EPAS1: variants seen among roughly 807,000 people sequenced by gnomAD.
The protein encoded by EPAS1 is endothelial PAS domain protein 1, also known as endothelial PAS domain-containing protein 1.
Under a neutral mutation model 87.9 loss-of-function variants are expected in EPAS1, and 23 were observed. The observed-to-expected ratio is 0.26, with a 90% confidence interval of 0.19 to 0.37. EPAS1 has a LOEUF of 0.37. EPAS1 is among the 10% of genes least tolerant of loss of function. EPAS1 has a pLI of 1.00. For synonymous variants in EPAS1, 508 were observed against 444.3 expected (o/e 1.14, Z -1.80); for missense variants, 1,138 against 1,120.7 (o/e 1.02, Z -0.22).
rs1684372135 is a variant in EPAS1, at chr2:46,360,926, C to T, written c.615C>T (p.Cys205=). The change falls in exon 6 of 16, where the codon TGC becomes TGT. Residue 205 remains cysteine (C), a synonymous_variant. Coordinates refer to ENST00000263734, the MANE Select transcript of EPAS1 (RefSeq NM_001430.5). This position sits in a 1 kb window ranked among gnomAD's most constrained non-coding sequence, Gnocchi z 4.5. The stretch of plus-strand genomic sequence containing the variant: ...GCCAGGTGAAAGTCTACAACAACTG[C>T]CCTCCTCACAATAGTCTGTGTGGCT... ...CTGQVKVYNN[C]PPHNSLCGYK... 5.0e-6 allele frequency: 8 copies of T among 1,614,196 alleles called. No individual in the cohort carries two copies. The highest frequency in any genetic ancestry group is 6.8e-6 in the Non-Finnish European group (8 of 1,180,036).
At chr2:46,349,261 G>T (rs188422086) in intron 2 of EPAS1, among the ~76,000 whole-genome samples, 12 of 152,150 alleles carry the variant, frequency 7.9e-5, no homozygotes, top group Admixed American at 5.2e-4. Context: ...GCAGGGCTTC[G>T]TTTTGCATGC....
chr2:46,379,946 C>T (rs1334523017), intron 11 of EPAS1: 4 of 518,908 alleles, frequency 7.7e-6, no homozygotes, highest in African/African-American at 1.9e-5. Flanking sequence ...AGAGAGAAGG[C>T]GGGCTCCGGA....
In EPAS1 at chr2:46,375,590, T is replaced by G; in HGVS notation, c.887-100T>G. The stretch of plus-strand genomic sequence containing the variant: ...TGTCGTGGCGCCCTGTTCTGTCTGT[T>G]CCCCTGCAGATTAGACTGCCCTCCC... On this transcript the variant is annotated intron_variant, in intron 7 of 15. Transcript: ENST00000263734. The surrounding 1 kb of genome is among the most constrained non-coding windows in gnomAD (Gnocchi z 4.1). 6.9e-7 allele frequency: 1 copy of G among 1,452,822 alleles called. No individual in the cohort carries two copies. Among genetic ancestry groups the G allele is most frequent in the Non-Finnish European group, 9.4e-7 (1 of 1,058,366 alleles). 90.0% of individuals were successfully genotyped at this position (1,452,822 alleles called of 1,614,324 possible). A position where few individuals can be genotyped will look rare whatever the true frequency, so the allele number is the denominator to read the frequency against.
chr2:46,342,466 G>T (rs915105649), intron 1 of EPAS1, among the ~76,000 whole-genome samples: 1 of 152,160 alleles, frequency 6.6e-6, no homozygotes, highest in South Asian at 2.1e-4. Flanking sequence ...CTCTTTACCT[G>T]CTGAAATCCA....
intron 6 of EPAS1, among the ~76,000 whole-genome samples, chr2:46,368,765 T>C (rs945014029): frequency 4.6e-5 from 7 of 152,240 alleles, no homozygotes; most frequent in African/African-American, 1.4e-4. Flanking sequence ...GCATCACTTC[T>C]AACTTGTGAT....
intron 1 of EPAS1, among the ~76,000 whole-genome samples, chr2:46,311,547 A>T (rs1364073519): frequency 6.6e-6 from 1 of 152,164 alleles, no homozygotes; most frequent in Non-Finnish European, 1.5e-5. Context: ...TCTAGCATCT[A>T]CCTTCTCACA....
chr2:46,334,429 C>T (rs1218427880), intron 1 of EPAS1, among the ~76,000 whole-genome samples: 1 of 152,196 alleles, frequency 6.6e-6, no homozygotes. Context: ...CACCTCTGCC[C>T]ATTCCCAGTG....
chr2:46,310,013 T>C (rs2104841072), intron 1 of EPAS1, among the ~76,000 whole-genome samples: 1 of 152,352 alleles, frequency 6.6e-6, no homozygotes, highest in South Asian at 2.1e-4. Context: ...CCTCCCCTGC[T>C]AGCCCTTAGT....
intron 8 of EPAS1, among the ~76,000 whole-genome samples, chr2:46,376,146 G>A (rs1230243643): frequency 6.7e-6 from 1 of 150,176 alleles, no homozygotes. Flanking sequence ...GGGGAAAAAG[G>A]AAAGAGAATC....
chr2:46,321,988 C>CT (rs1249954224), intron 1 of EPAS1, among the ~76,000 whole-genome samples: 1 of 152,166 alleles, frequency 6.6e-6, no homozygotes, highest in Non-Finnish European at 1.5e-5. Flanking sequence ...GGCAAGCTTG[C>CT]TGTGGGCTGG....
At chr2:46,308,035 C>T (rs1683141190) in intron 1 of EPAS1, among the ~76,000 whole-genome samples, 1 of 152,154 alleles carries the variant, frequency 6.6e-6, no homozygotes, top group Non-Finnish European at 1.5e-5. Context: ...AGGGACCCCA[C>T]CTCACCTCTA....
In EPAS1 at chr2:46,356,241, C is replaced by A; in HGVS notation, c.308C>A (p.Thr103Asn). 1.2e-6 allele frequency: 2 copies of A among 1,613,442 alleles called. No homozygotes were observed. Among genetic ancestry groups the A allele is most frequent in the Non-Finnish European group, 1.7e-6 (2 of 1,179,806 alleles). ...KALEGFIAVVTQDGDMIFLSE... is the reference protein window; with the variant it reads ...KALEGFIAVVNQDGDMIFLSE... ...TTGGAGGGTTTCATTGCCGTGGTGA[C>A]CCAAGATGGCGACATGATCTTTCTG... Residue 103 changes from threonine (T) to asparagine (N), a missense_variant, in exon 3 of 16, where the codon ACC becomes AAC. Coordinates refer to ENST00000263734, the MANE Select transcript of EPAS1 (RefSeq NM_001430.5).
At position 46,300,545 on chromosome 2, in the gene EPAS1, C is replaced by T. The variant is rs939732263; in HGVS notation, c.26+2608C>T. ...CAGTTTTGGTGGTAGTGGGCATTTG[C>T]GGTGACATCACAGATGTCAGAAACT... On this transcript the variant is annotated intron_variant, in intron 1 of 15. Coordinates refer to ENST00000263734, the MANE Select transcript of EPAS1 (RefSeq NM_001430.5). The surrounding 1 kb of genome is among the most constrained non-coding windows in gnomAD (Gnocchi z 4.1). 2.6e-5 allele frequency among the ~76,000 whole-genome samples: 4 copies of T among 152,266 alleles called. No homozygotes were observed. The highest frequency in any genetic ancestry group is 2.1e-4 in the South Asian group (1 of 4,812).
intron 6 of EPAS1, among the ~76,000 whole-genome samples, chr2:46,367,610 A>G (rs1315203441): frequency 6.6e-6 from 1 of 152,234 alleles, no homozygotes; most frequent in Admixed American, 6.5e-5. Context: ...ATTGCTAATG[A>G]GTTCAGAGAC....
intron 8 of EPAS1, among the ~76,000 whole-genome samples, 190 bp downstream of exon 8, chr2:46,376,027 C>G (rs1293126031): frequency 1.3e-5 from 2 of 152,132 alleles, no homozygotes; most frequent in Non-Finnish European, 2.9e-5. Context: ...CAGTGGGATA[C>G]TGGGTTGGGA....
intron 1 of EPAS1, among the ~76,000 whole-genome samples, chr2:46,327,130 C>A (rs919916882): frequency 6.6e-6 from 1 of 152,220 alleles, no homozygotes; most frequent in African/African-American, 2.4e-5. Flanking sequence ...GTTTCCTCAT[C>A]TGTACAATGA....
intron 2 of EPAS1, among the ~76,000 whole-genome samples, chr2:46,355,590 A>G (rs115816244): frequency 6.6e-5 from 10 of 152,388 alleles, no homozygotes; most frequent in Non-Finnish European, 1.0e-4. Context: ...ATTGCAGTAT[A>G]TATTAGCAGC....
chr2:46,351,658 A>C (rs1684147219), intron 2 of EPAS1, among the ~76,000 whole-genome samples: 1 of 152,146 alleles, frequency 6.6e-6, no homozygotes, highest in South Asian at 2.1e-4. Flanking sequence ...GGTGGTCACA[A>C]AGTGGTAACT....
intron 1 of EPAS1, among the ~76,000 whole-genome samples, chr2:46,317,453 GTAAC>G (rs1441200358): frequency 6.6e-6 from 1 of 152,216 alleles, no homozygotes; most frequent in Admixed American, 6.5e-5. Flanking sequence ...GGGCTCTTGA[GTAAC>G]TAGGTGCATT....
Sources: gnomAD v4.1 joint callset for allele counts (sites outside exome capture counted in the v4.1 genomes callset) on GRCh38, gnomAD v4.1.1 for gene constraint, Gnocchi (gnomAD v3.1) non-coding constraint, MANE v1.5 for transcripts, NCBI Gene and HGNC (gene_info 2026-07-23, HGNC 2026-07-21) for gene names.